The following CYB5R4 variants were observed in gnomAD, a reference collection of about 807,000 sequenced individuals.
The protein encoded by CYB5R4 is cytochrome b5 reductase 4, also known as N-terminal cytochrome b5 and cytochrome b5 oxidoreductase domain-containing protein.
CYB5R4 carries 55 observed loss-of-function variants against 70.2 expected under a neutral mutation model. The observed-to-expected ratio is 0.78, with a 90% CI of 0.63 to 0.98. The LOEUF (loss-of-function observed/expected upper bound fraction) is 0.98. Among genes scored for constraint, CYB5R4 ranks in the 50% least tolerant of loss-of-function variants. The pLI, the probability that CYB5R4 is intolerant of heterozygous loss-of-function variation, is 0.00. For synonymous variants in CYB5R4, 197 were observed against 199.5 expected, an observed-to-expected ratio of 0.99 and a Z score of 0.11; for missense variants, 562 against 612.6, an observed-to-expected ratio of 0.92 and a Z score of 0.87.
At chr6:83,889,862 AGAG>A (rs375689082) in intron 2 of CYB5R4, among the ~76,000 whole-genome samples, 45 of 152,292 alleles carry the variant, frequency 3.0e-4, no homozygotes, top group East Asian at 2.1e-3. Flanking sequence ...AGAAAAAGAA[AGAG>A]GAGGGGTGGA....
chr6:83,880,911 C>T (rs191424744), intron 2 of CYB5R4, among the ~76,000 whole-genome samples: 2 of 152,218 alleles, frequency 1.3e-5, no homozygotes, highest in Admixed American at 6.5e-5. Flanking sequence ...AATAAGTGTC[C>T]TGGGAGCTGT....
intron 10 of CYB5R4, chr6:83,926,379 G>GT (rs2099467274): frequency 6.7e-6 from 1 of 148,840 alleles, no homozygotes; most frequent in Non-Finnish European, 1.5e-5. Flanking sequence ...TTCTTAGAAT[G>GT]TTATATTAGT....
At chr6:83,898,495 G>T (rs1400415215) in intron 3 of CYB5R4, among the ~76,000 whole-genome samples, 1 of 152,310 alleles carries the variant, frequency 6.6e-6, no homozygotes, top group Non-Finnish European at 1.5e-5. Flanking sequence ...TTCCAGTTCT[G>T]TGAAGAAAGT....
At chr6:83,919,977 C>T (rs544351245) in intron 7 of CYB5R4, among the ~76,000 whole-genome samples, 6 of 152,098 alleles carry the variant, frequency 3.9e-5, no homozygotes, top group African/African-American at 1.2e-4. Flanking sequence ...ATTCAGTAAC[C>T]ATCAAAACTA....
Position 83,960,402 on chromosome 6 carries a change from T to G in CYB5R4, c.*524T>G, listed in dbSNP as rs1477041695. The stretch of plus-strand genomic sequence containing the variant: ...TGTATGGCATTGATGCAGAATAGAA[T>G]AAAATTATACTTAAGTTCTTTTTAA... On this transcript the variant is annotated 3_prime_UTR_variant, in exon 16 of 16. Coordinates refer to ENST00000369681, the MANE Select transcript of CYB5R4 (RefSeq NM_016230.4). 11 of 152,610 alleles carry G rather than the reference T, an allele frequency of 7.2e-5. No homozygotes were observed. Among genetic ancestry groups the G allele is most frequent in the Non-Finnish European group, 2.9e-5 (2 of 68,040 alleles). The allele number at this position is 152,610 out of a possible 1,614,324, so 9.5% of individuals were successfully genotyped here. A position where few individuals can be genotyped will look rare whatever the true frequency, so the allele number is the denominator to read the frequency against.
At chr6:83,878,142 G>T (rs1482001562) in intron 2 of CYB5R4, among the ~76,000 whole-genome samples, 1 of 151,302 alleles carries the variant, frequency 6.6e-6, no homozygotes, top group Non-Finnish European at 1.5e-5. Context: ...CTTTCAATTT[G>T]CTATTTCCTT....
intron 3 of CYB5R4, among the ~76,000 whole-genome samples, chr6:83,907,592 C>G (rs2099464005): frequency 6.6e-6 from 1 of 152,074 alleles, no homozygotes; most frequent in African/African-American, 2.4e-5. Context: ...AGGTACTAAG[C>G]CTGGTACCCA....
intron 4 of CYB5R4, among the ~76,000 whole-genome samples, chr6:83,911,756 C>T (rs945934174): frequency 3.3e-5 from 5 of 151,874 alleles, no homozygotes; most frequent in South Asian, 2.1e-4. Flanking sequence ...TTAAAAAGAG[C>T]GTATCATCTG....
chr6:83,864,170 T>C lies in CYB5R4; in HGVS notation c.76-5T>C. 6.5e-7 allele frequency: 1 copy of C among 1,547,540 alleles called. No homozygotes were observed. Among genetic ancestry groups the C allele is most frequent in the Middle Eastern group, 1.7e-4 (1 of 5,780 alleles). On this transcript the variant is annotated splice_region_variant and splice_polypyrimidine_tract_variant and intron_variant, in intron 1 of 15. Transcript: ENST00000369681. ...AGATTTAATTCTTCCTTTTTCCATT[T>C]TTAGGTACCTTTAAAACAGGGCAGA...
At chr6:83,939,567 T>G (rs1324790212) in intron 12 of CYB5R4, among the ~76,000 whole-genome samples, 1 of 152,244 alleles carries the variant, frequency 6.6e-6, no homozygotes, top group African/African-American at 2.4e-5. Flanking sequence ...AGAATGCATT[T>G]CTATTTCAAT....
intron 14 of CYB5R4, among the ~76,000 whole-genome samples, chr6:83,954,016 T>C (rs933166467): frequency 7.9e-5 from 12 of 152,258 alleles, no homozygotes; most frequent in Admixed American, 4.6e-4. Flanking sequence ...CAGGTAACCT[T>C]TTCAAGGGTC....
At chr6:83,904,386 C>G (rs1276339026) in intron 3 of CYB5R4, among the ~76,000 whole-genome samples, 1 of 151,938 alleles carries the variant, frequency 6.6e-6, no homozygotes, top group Non-Finnish European at 1.5e-5. Flanking sequence ...TTACTGGGGC[C>G]TGAAAATATA....
chr6:83,892,837 TC>T (rs869269637), intron 2 of CYB5R4, among the ~76,000 whole-genome samples: 1 of 151,790 alleles, frequency 6.6e-6, no homozygotes, highest in Admixed American at 6.6e-5. Context: ...TCTCTCTCTC[TC>T]TTCCTCTCTC....
chr6:83,940,747 TG>T, intron 14 of CYB5R4, 146 bp downstream of exon 14: 1 of 1,024,924 alleles, frequency 9.8e-7, no homozygotes, highest in Non-Finnish European at 1.3e-6. Flanking sequence ...CTAGAAATCA[TG>T]TTAAATGTTC....
intron 4 of CYB5R4, among the ~76,000 whole-genome samples, chr6:83,913,914 A>C (rs1279550901): frequency 1.3e-5 from 2 of 152,130 alleles, no homozygotes; most frequent in East Asian, 3.8e-4. Flanking sequence ...TAATAATTGC[A>C]TTGGGTATAC....
At position 83,959,910 on chromosome 6, in the gene CYB5R4, G is replaced by A. The variant is rs747820700; in HGVS notation, c.*32G>A. ...GCTGTCATTGTCCTTTATTCAACTA[G>A]TTTATCTAAATTTGTGATTGCTTAG... On this transcript the variant is annotated 3_prime_UTR_variant, in exon 16 of 16. Coordinates refer to ENST00000369681, the MANE Select transcript of CYB5R4 (RefSeq NM_016230.4). The A allele has an allele frequency of 3.9e-6, 6 of 1,533,104 alleles. No individual in the cohort carries two copies. In the East Asian group the frequency reaches 1.2e-4, roughly 30 times the overall value. 95.0% of individuals were successfully genotyped at this position (1,533,104 alleles called of 1,614,324 possible). A position where few individuals can be genotyped will look rare whatever the true frequency, so the allele number is the denominator to read the frequency against.
intron 5 of CYB5R4, among the ~76,000 whole-genome samples, chr6:83,917,062 T>C (rs2099465634): frequency 6.6e-6 from 1 of 152,156 alleles, no homozygotes; most frequent in Admixed American, 6.5e-5. Flanking sequence ...CACTTAATGT[T>C]TGCAATATCT....
chr6:83,930,559 C>T (rs2099467990), intron 10 of CYB5R4, among the ~76,000 whole-genome samples: 1 of 152,132 alleles, frequency 6.6e-6, no homozygotes, highest in African/African-American at 2.4e-5. Flanking sequence ...CTTCAGGCTC[C>T]ACTTCTAATT....
At chr6:83,939,128 G>C (rs2099469372) in intron 12 of CYB5R4, among the ~76,000 whole-genome samples, 1 of 151,990 alleles carries the variant, frequency 6.6e-6, no homozygotes, top group South Asian at 2.1e-4. Context: ...GAGCCACCAC[G>C]CCCAGCCCTA....
Sources: allele counts gnomAD v4.1 joint callset (sites outside exome capture counted in the v4.1 genomes callset), GRCh38; gene constraint gnomAD v4.1.1; transcripts MANE v1.5; gene names NCBI Gene and HGNC (gene_info 2026-07-23, HGNC 2026-07-21).